Variants in CCDC57 observed in about 807,000 individuals in gnomAD.
The protein encoded by CCDC57 is coiled-coil domain-containing protein 57.
CCDC57 carries 118 observed loss-of-function variants against 118.9 expected under a neutral mutation model. That is an observed-to-expected ratio of 0.99 (90% CI 0.86 to 1.16). The LOEUF (loss-of-function observed/expected upper bound fraction) is 1.16, where lower values mean the gene tolerates loss of function less well. Ranked by LOEUF, CCDC57 falls within the 50% of genes most tolerant of loss-of-function variation. CCDC57 has a pLI of 0.00. For missense variants in CCDC57, 1,300 were observed against 1,320.7 expected, an observed-to-expected ratio of 0.98 and a Z score of 0.24; for synonymous variants, 527 against 532.9, an observed-to-expected ratio of 0.99 and a Z score of 0.15.
At chr17:82,209,256 C>G (rs2050005193) in intron 1 of CCDC57, among the ~76,000 whole-genome samples, 1 of 151,612 alleles carries the variant, frequency 6.6e-6, no homozygotes, top group Admixed American at 6.6e-5. Flanking sequence ...CGTGCATTTG[C>G]CAAAAAAAAG....
intron 14 of CCDC57, among the ~76,000 whole-genome samples, chr17:82,158,642 C>G (rs139454610): frequency 8.2e-4 from 120 of 145,958 alleles, no homozygotes; most frequent in African/African-American, 3.1e-3. Context: ...GAGCCAAGAT[C>G]GCGCCAGTGT....
chr17:82,187,830 G>A (rs1258600155), intron 8 of CCDC57, among the ~76,000 whole-genome samples: 24 of 145,638 alleles, frequency 1.6e-4, no homozygotes, highest in Middle Eastern at 3.5e-3. Flanking sequence ...GGGAGCTGGC[G>A]GGGGTGGGGG....
intron 16 of CCDC57, among the ~76,000 whole-genome samples, chr17:82,141,064 G>T (rs2039938887): frequency 6.6e-6 from 1 of 151,890 alleles, no homozygotes; most frequent in South Asian, 2.1e-4. Flanking sequence ...AGGCTGGAGT[G>T]CAGTGGTGTG....
intron 16 of CCDC57, among the ~76,000 whole-genome samples, chr17:82,148,642 G>A (rs2041315040): frequency 1.0e-5 from 1 of 96,184 alleles, no homozygotes. Flanking sequence ...ATGGATGGGT[G>A]GGTGGGTGAA....
At chr17:82,126,351 A>G (rs7405738) in intron 19 of CCDC57, 517,201 of 906,638 alleles carry the variant, frequency 0.57, 149,818 homozygotes, top group Non-Finnish European at 0.59. Flanking sequence ...AAAAAATATG[A>G]ACATAAAAAA....
chr17:82,147,830 GGGTA>G (rs2041028042), intron 16 of CCDC57, among the ~76,000 whole-genome samples: 1 of 131,910 alleles, frequency 7.6e-6, no homozygotes, highest in East Asian at 2.6e-4. Context: ...GTGGGTGGAT[GGGTA>G]GATGGATGGA....
At position 82,127,608 on chromosome 17, in the gene CCDC57, G is replaced by T. The variant is rs922979587; in HGVS notation, c.2899+84C>A. The stretch of plus-strand genomic sequence containing the variant: ...TCAGGGTGCAGGAGGCACGCAGGGT[G>T]CTGACTCTCCACATGCCCCTCGGAG... On this transcript the variant is annotated intron_variant, in intron 19 of 19. Transcript: ENST00000665763. 7.4e-6 allele frequency: 11 copies of T among 1,495,368 alleles called. No individual in the cohort carries two copies. In the African/African-American group the frequency reaches 1.6e-4, roughly 21 times the overall value. 92.6% of individuals were successfully genotyped at this position (1,495,368 alleles called of 1,614,324 possible).
intron 19 of CCDC57, among the ~76,000 whole-genome samples, chr17:82,116,919 T>G (rs1435449012): frequency 6.6e-6 from 1 of 152,260 alleles, no homozygotes; most frequent in African/African-American, 2.4e-5. Flanking sequence ...AGTCCCTGAC[T>G]TTCAGAAGTC....
chr17:82,176,520 C>G (rs1019250447), intron 11 of CCDC57, among the ~76,000 whole-genome samples: 1 of 152,202 alleles, frequency 6.6e-6, no homozygotes, highest in Admixed American at 6.5e-5. Context: ...TCTACCCCCA[C>G]AGCCACACGT....
chr17:82,194,946 C>T (rs2048123338), intron 5 of CCDC57, among the ~76,000 whole-genome samples: 1 of 152,276 alleles, frequency 6.6e-6, no homozygotes, highest in Admixed American at 6.5e-5. Context: ...GGCGTCGAGA[C>T]TCAGCTCTTG....
At chr17:82,183,583 G>A (rs1423153259) in intron 9 of CCDC57, among the ~76,000 whole-genome samples, 191 bp downstream of exon 8, 1 of 152,074 alleles carries the variant, frequency 6.6e-6, no homozygotes, top group East Asian at 1.9e-4. Context: ...TCCAGCAGGC[G>A]GCCCCTTCTG....
chr17:82,135,673 G>A (rs1383329594), intron 16 of CCDC57, among the ~76,000 whole-genome samples: 1 of 152,178 alleles, frequency 6.6e-6, no homozygotes, highest in East Asian at 1.9e-4. Context: ...AAAACCTCCT[G>A]AAGACACTCA....
At chr17:82,189,694 A>T (rs1438596973) in intron 7 of CCDC57, among the ~76,000 whole-genome samples, 2 of 152,178 alleles carry the variant, frequency 1.3e-5, no homozygotes, top group Non-Finnish European at 2.9e-5. Context: ...CACTAAAAAA[A>T]ATACAAAAAT....
rs1165285015 is a variant in CCDC57 at position 82,136,579 on chromosome 17, C to T, written c.2456-2385G>A. 3.0e-5 allele frequency among the ~76,000 whole-genome samples: 3 copies of T among 101,394 alleles called. No individual in the cohort carries two copies. In the East Asian group the frequency reaches 2.1e-3, roughly 73 times the overall value. The allele number at this position is 101,394 out of a possible 152,430, so 66.5% of individuals were successfully genotyped here. ...AACAGTACATTTTATATGTATAGTA[C>T]CAAAAAAAAAAAAAAAAAAAGAAAA... On this transcript the variant is annotated intron_variant, in intron 16 of 19. Transcript: ENST00000665763.
At chr17:82,129,161 C>T (rs573029420) in intron 17 of CCDC57, among the ~76,000 whole-genome samples, 11 of 152,204 alleles carry the variant, frequency 7.2e-5, no homozygotes, top group South Asian at 2.1e-4. Flanking sequence ...TCAGGTGATC[C>T]GCCTGCCTTG....
At chr17:82,139,276 A>T (rs2039704276) in intron 16 of CCDC57, among the ~76,000 whole-genome samples, 1 of 152,228 alleles carries the variant, frequency 6.6e-6, no homozygotes, top group Admixed American at 6.5e-5. Context: ...CTTGCTATGA[A>T]CAGACCTTTC....
Position 82,118,296 on chromosome 17 carries a change from C to G in CCDC57, c.2899+9396G>C, listed in dbSNP as rs891755996. ...AGTAAGAGAAGAGGGAGAAGGAACA[C>G]AGTCCACTGAAACCCAGTGTGGTGT... On this transcript the variant is annotated intron_variant, in intron 19 of 19. Coordinates refer to ENST00000665763, the Ensembl canonical transcript of CCDC57. The surrounding 1 kb of genome is among the most constrained non-coding windows in gnomAD (Gnocchi z 4.7). Among the ~76,000 whole-genome samples, 3 of 152,072 alleles carry G rather than the reference C, an allele frequency of 2.0e-5. No homozygotes were observed. The highest frequency in any genetic ancestry group is 4.4e-5 in the Non-Finnish European group (3 of 68,018).
At chr17:82,125,787 T>A (rs953666427) in intron 19 of CCDC57, among the ~76,000 whole-genome samples, 1 of 152,040 alleles carries the variant, frequency 6.6e-6, no homozygotes, top group African/African-American at 2.4e-5. Context: ...CAGCCAGACA[T>A]GTAAAAGGAC....
At chr17:82,105,211 T>G (rs2034763253) in intron 19 of CCDC57, 1 of 152,266 alleles carries the variant, frequency 6.6e-6, no homozygotes, top group African/African-American at 2.4e-5. Context: ...AGCTCAGGCC[T>G]CAAGTCCATT....
Sources: gnomAD v4.1 joint callset for allele counts (sites outside exome capture counted in the v4.1 genomes callset) on GRCh38, gnomAD v4.1.1 for gene constraint, Gnocchi (gnomAD v3.1) non-coding constraint, MANE v1.5 for transcripts, NCBI Gene and HGNC (gene_info 2026-07-23, HGNC 2026-07-21) for gene names.